Variants in ZFP2 observed in about 807,000 individuals in gnomAD.
The protein encoded by ZFP2 is zinc finger protein ZFP2.
ZFP2 carries 33 observed loss-of-function variants against 36.1 expected under a neutral mutation model. The observed-to-expected ratio is 0.92, with a 90% CI of 0.69 to 1.22. ZFP2 has a LOEUF of 1.22. Among genes scored for constraint, ZFP2 ranks in the 50% most tolerant of loss-of-function variants. ZFP2 has a pLI of 0.00. For missense variants in ZFP2, 522 were observed against 551.4 expected (o/e 0.95, Z 0.53); for synonymous variants, 170 against 178.0 (o/e 0.96, Z 0.36).
Position 178,932,330 on chromosome 5 carries a change from A to G in ZFP2, c.1017A>G (p.Ser339=). 6.2e-7 allele frequency: 1 copy of G among 1,614,184 alleles called. No homozygotes were observed. The highest frequency in any genetic ancestry group is 8.5e-7 in the Non-Finnish European group (1 of 1,180,028). ...NECGKAFSKN[S]SLTQHRRIHT... Reference sequence around the variant, plus strand: ...GTGGAAAAGCTTTCAGTAAGAATTCATCTCTAACTCAACATCGGAGAATTC... The same window carrying G: ...GTGGAAAAGCTTTCAGTAAGAATTCGTCTCTAACTCAACATCGGAGAATTC... Residue 339 remains serine, a synonymous_variant, in exon 5 of 5, where the codon TCA becomes TCG. Transcript: ENST00000361362.
At chr5:178,903,543 T>C (rs1237222061) in intron 1 of ZFP2, among the ~76,000 whole-genome samples, 1 of 152,236 alleles carries the variant, frequency 6.6e-6, no homozygotes, top group East Asian at 1.9e-4. Context: ...AAGTGGATAG[T>C]ATTCCTTTGC....
At chr5:178,921,806 T>C (rs932791980) in intron 4 of ZFP2, among the ~76,000 whole-genome samples, 1 of 149,444 alleles carries the variant, frequency 6.7e-6, no homozygotes, top group Non-Finnish European at 1.5e-5. Flanking sequence ...ATTCACCTGC[T>C]ACTGTTTACT....
At chr5:178,904,663 A>G (rs34841996) in intron 1 of ZFP2, among the ~76,000 whole-genome samples, 6 of 147,140 alleles carry the variant, frequency 4.1e-5, no homozygotes, top group Admixed American at 3.4e-4. Context: ...GTAGTACCAC[A>G]CTATTGTATT....
At chr5:178,929,951 G>GGGGT (rs1312518024) in intron 4 of ZFP2, among the ~76,000 whole-genome samples, 1 of 149,384 alleles carries the variant, frequency 6.7e-6, no homozygotes, top group Non-Finnish European at 1.5e-5. Flanking sequence ...GTGGGGGGGG[G>GGGGT]GGCTCAGGAG....
chr5:178,927,687 G>GTGTA (rs1758712221), intron 4 of ZFP2, among the ~76,000 whole-genome samples: 1 of 150,300 alleles, frequency 6.7e-6, no homozygotes, highest in Non-Finnish European at 1.5e-5. Context: ...GTGTGTGTGT[G>GTGTA]TGTGTGTGTG....
intron 4 of ZFP2, among the ~76,000 whole-genome samples, chr5:178,917,727 T>G (rs1411928598): frequency 6.6e-6 from 1 of 152,238 alleles, no homozygotes; most frequent in Admixed American, 6.5e-5. Flanking sequence ...AGAGAATTTA[T>G]ATAGTTAAGA....
Position 178,932,376 on chromosome 5 carries a change from G to A in ZFP2, c.1063G>A (p.Glu355Lys). 1 of 1,614,078 alleles carries A rather than the reference G, an allele frequency of 6.2e-7. No homozygotes were observed. Among genetic ancestry groups the A allele is most frequent in the South Asian group, 1.1e-5 (1 of 91,054 alleles). Residue 355 changes from glutamate (E) to lysine (K), a missense_variant, in exon 5 of 5, where the codon GAG becomes AAG. Transcript: ENST00000361362. ...AATTCACACTGGAGAGAAACCTTAT[G>A]AGTGTATGGTGTGTGGAAAACATTT... ...RRIHTGEKPY[E>K]CMVCGKHFTG...
At chr5:178,903,204 A>T (rs1052164052) in intron 1 of ZFP2, among the ~76,000 whole-genome samples, 3 of 152,246 alleles carry the variant, frequency 2.0e-5, no homozygotes, top group African/African-American at 7.2e-5. Context: ...GGACATATCA[A>T]TGCAACATTA....
chr5:178,910,951 C>T (rs539683184), intron 1 of ZFP2, among the ~76,000 whole-genome samples: 1 of 152,050 alleles, frequency 6.6e-6, no homozygotes, highest in African/African-American at 2.4e-5. Flanking sequence ...GAAAGCGAAC[C>T]ATTGGTGTTT....
rs1758837628 is a variant in ZFP2 at position 178,931,533 on chromosome 5, C to T, written c.220C>T (p.His74Tyr). 2 of 1,613,962 alleles carry T rather than the reference C, an allele frequency of 1.2e-6. No individual in the cohort carries two copies. The highest frequency in any genetic ancestry group is 1.3e-5 in the African/African-American group (1 of 74,882). The change falls in exon 5 of 5, where the codon CAT (histidine) becomes TAT (tyrosine). Residue 74 changes from histidine (H) to tyrosine (Y), a missense_variant. Physicochemically the swap from His to Tyr is moderately conservative, Grantham distance 83. Transcript: ENST00000361362. ...QQSIPMVKRP[H>Y]NCNSHGEDAT... is the part of the protein sequence containing the mutation. ...AAGCATTCCTATGGTAAAAAGGCCC[C>T]ATAACTGTAATTCACATGGAGAAGA...
At chr5:178,928,725 A>G (rs1318705193) in intron 4 of ZFP2, among the ~76,000 whole-genome samples, 1 of 152,164 alleles carries the variant, frequency 6.6e-6, no homozygotes, top group Non-Finnish European at 1.5e-5. Flanking sequence ...CTGCCAGTGC[A>G]TCTTACATTC....
At chr5:178,904,377 T>A (rs946220411) in intron 1 of ZFP2, among the ~76,000 whole-genome samples, 1 of 152,106 alleles carries the variant, frequency 6.6e-6, no homozygotes, top group Non-Finnish European at 1.5e-5. Flanking sequence ...CAGGGGAACA[T>A]GGTAGAGTGT....
chr5:178,932,246 A>C lies in ZFP2; in HGVS notation c.933A>C (p.Thr311=). 1 of 1,614,170 alleles carries C rather than the reference A, an allele frequency of 6.2e-7. No homozygotes were observed. The highest frequency in any genetic ancestry group is 8.5e-7 in the Non-Finnish European group (1 of 1,180,024). ...NKCGKSFSQS[T]YLIEHQRLHS... ...GCGGGAAATCCTTTAGCCAAAGTAC[A>C]TATCTTATAGAACATCAGAGACTTC... The change falls in exon 5 of 5, where the codon ACA becomes ACC. Residue 311 remains threonine, a synonymous_variant. Coordinates refer to ENST00000361362, the MANE Select transcript of ZFP2 (RefSeq NM_030613.4).
intron 1 of ZFP2, among the ~76,000 whole-genome samples, chr5:178,908,267 T>G (rs892126213): frequency 3.3e-5 from 5 of 151,988 alleles, no homozygotes; most frequent in African/African-American, 1.2e-4. Flanking sequence ...GCTAACATGG[T>G]GAAACCCTGT....
intron 3 of ZFP2, among the ~76,000 whole-genome samples, chr5:178,913,411 T>C (rs1310915360): frequency 6.6e-6 from 1 of 152,234 alleles, no homozygotes; most frequent in Non-Finnish European, 1.5e-5. Flanking sequence ...TCTGGGCTTT[T>C]ACTGTCTTTC....
At chr5:178,907,438 C>T (rs1325222224) in intron 1 of ZFP2, among the ~76,000 whole-genome samples, 1 of 150,700 alleles carries the variant, frequency 6.6e-6, no homozygotes, top group Non-Finnish European at 1.5e-5. Context: ...ATCACATTAC[C>T]CCACATGAGC....
intron 4 of ZFP2, among the ~76,000 whole-genome samples, chr5:178,916,917 C>CT (rs1425937641): frequency 6.6e-6 from 1 of 152,116 alleles, no homozygotes; most frequent in African/African-American, 2.4e-5. Context: ...GCCTAATTTT[C>CT]TTTTCAGCAT....
intron 1 of ZFP2, among the ~76,000 whole-genome samples, chr5:178,908,081 C>T (rs1459994138): frequency 5.3e-5 from 8 of 152,182 alleles, no homozygotes; most frequent in Non-Finnish European, 1.0e-4. Context: ...TCTCCAAGAG[C>T]TCTAAATCGC....
chr5:178,906,733 T>G (rs1758175483), intron 1 of ZFP2, among the ~76,000 whole-genome samples: 1 of 152,012 alleles, frequency 6.6e-6, no homozygotes. Context: ...TTTTTTTGTA[T>G]TTTTAGTAGA....
Sources: allele counts gnomAD v4.1 joint callset (sites outside exome capture counted in the v4.1 genomes callset), GRCh38; gene constraint gnomAD v4.1.1; transcripts MANE v1.5; gene names NCBI Gene and HGNC (gene_info 2026-07-23, HGNC 2026-07-21).